The following SLC39A12 variants were observed in gnomAD, a reference collection of about 807,000 sequenced individuals.
SLC39A12 encodes solute carrier family 39 member 12, also known as zinc transporter ZIP12.
A neutral mutation model predicts 71.1 loss-of-function variants in SLC39A12; 63 were observed. That is an observed-to-expected ratio of 0.89 (90% CI 0.72 to 1.09). SLC39A12 has a LOEUF of 1.09. Among genes scored for constraint, SLC39A12 ranks in the 50% least tolerant of loss-of-function variants. SLC39A12 has a pLI of 0.00. For synonymous variants in SLC39A12, 351 were observed against 301.3 expected (o/e 1.16, Z -1.71); for missense variants, 892 against 812.6 (o/e 1.10, Z -1.19).
At chr10:17,958,104 A>C (rs1405596429) in intron 2 of SLC39A12, among the ~76,000 whole-genome samples, 1 of 152,216 alleles carries the variant, frequency 6.6e-6, no homozygotes, top group African/African-American at 2.4e-5. Context: ...ACACGATTAT[A>C]GTGCGGACCC....
intron 12 of SLC39A12, among the ~76,000 whole-genome samples, chr10:18,027,390 G>A (rs554435576): frequency 4.6e-5 from 7 of 152,358 alleles, no homozygotes; most frequent in African/African-American, 1.7e-4. Context: ...ATCTTGTTAA[G>A]AGCAGAATGC....
At chr10:17,956,329 A>G (rs1338589048) in intron 2 of SLC39A12, among the ~76,000 whole-genome samples, 1 of 152,144 alleles carries the variant, frequency 6.6e-6, no homozygotes, top group Non-Finnish European at 1.5e-5. Context: ...GATCCCATGG[A>G]CATACATGTT....
chr10:17,983,524 C>G (rs1283406138), intron 6 of SLC39A12, among the ~76,000 whole-genome samples: 1 of 152,060 alleles, frequency 6.6e-6, no homozygotes, highest in Non-Finnish European at 1.5e-5. Context: ...TGGCTTATGC[C>G]TGTAATCCCA....
rs777966895 is a variant in SLC39A12, at chr10:17,995,665, G to A, written c.1543G>A (p.Glu515Lys). ...TTTTAATTTAAAATAGAAAAGCCCA[G>A]AAGATTCACAGGCAGCTGAAATGCC... ...SASTIQLKSP[E>K]DSQAAEMPIG... The change falls in exon 10 of 13, where the codon GAA becomes AAA. Residue 515 changes from glutamate to lysine, a missense_variant. Coordinates refer to ENST00000377369, the MANE Select transcript of SLC39A12 (RefSeq NM_001145195.2). 1 of 1,613,038 alleles carries A rather than the reference G, an allele frequency of 6.2e-7. No homozygotes were observed. Among genetic ancestry groups the A allele is most frequent in the South Asian group, 1.1e-5 (1 of 90,784 alleles).
At chr10:17,983,243 T>A (rs1040880024) in intron 6 of SLC39A12, among the ~76,000 whole-genome samples, 1 of 146,822 alleles carries the variant, frequency 6.8e-6, no homozygotes, top group Non-Finnish European at 1.5e-5. Context: ...GTAGTCCTAG[T>A]ACTTTGGGAG....
At chr10:17,987,763 G>T in intron 7 of SLC39A12, 112 bp downstream of exon 7, 1 of 1,123,060 alleles carries the variant, frequency 8.9e-7, no homozygotes, top group Middle Eastern at 2.1e-4. Flanking sequence ...GAGTATCGTG[G>T]CTGGTGTTTT....
chr10:18,029,774 G>C (rs960268218), intron 12 of SLC39A12, among the ~76,000 whole-genome samples: 3 of 151,084 alleles, frequency 2.0e-5, no homozygotes, highest in Non-Finnish European at 4.4e-5. Flanking sequence ...GGAAATGGTG[G>C]CATTTAAACT....
intron 12 of SLC39A12, among the ~76,000 whole-genome samples, chr10:18,024,855 A>G (rs901338156): frequency 6.6e-6 from 1 of 152,190 alleles, no homozygotes; most frequent in African/African-American, 2.4e-5. Context: ...TCATTATGTA[A>G]TACACCATGT....
At chr10:17,952,778 C>T (rs550652438) in intron 1 of SLC39A12, among the ~76,000 whole-genome samples, 1 of 152,288 alleles carries the variant, frequency 6.6e-6, no homozygotes, top group South Asian at 2.1e-4. Flanking sequence ...TGAGCTACCG[C>T]GCCTGGCCTA....
intron 6 of SLC39A12, among the ~76,000 whole-genome samples, chr10:17,987,068 A>G (rs1053860295): frequency 1.3e-5 from 2 of 152,050 alleles, no homozygotes; most frequent in Non-Finnish European, 2.9e-5. Flanking sequence ...TGGGCTTACA[A>G]CTGTAATCCC....
At chr10:18,021,129 C>G (rs1375857369) in intron 12 of SLC39A12, among the ~76,000 whole-genome samples, 1 of 151,980 alleles carries the variant, frequency 6.6e-6, no homozygotes, top group Non-Finnish European at 1.5e-5. Flanking sequence ...TTTAATCCAT[C>G]TCAAGTTGAT....
At chr10:17,977,853 C>T (rs200541390) in intron 4 of SLC39A12, 49 bp from the exon 5 acceptor site, 28 of 1,370,696 alleles carry the variant, frequency 2.0e-5, no homozygotes, top group Middle Eastern at 4.0e-4. Flanking sequence ...TGTGACTATT[C>T]GGAACTTATC....
chr10:17,989,796 T>C (rs1835496614), intron 7 of SLC39A12, among the ~76,000 whole-genome samples: 1 of 151,808 alleles, frequency 6.6e-6, no homozygotes, highest in Non-Finnish European at 1.5e-5. Context: ...TGGGCGCCTG[T>C]AACCCCAGCT....
chr10:17,963,613 C>T (rs1276524742), intron 3 of SLC39A12, among the ~76,000 whole-genome samples: 6 of 152,190 alleles, frequency 3.9e-5, no homozygotes, highest in African/African-American at 1.4e-4. Flanking sequence ...GGGAAGGGTC[C>T]ATGAGCTCAT....
intron 12 of SLC39A12, among the ~76,000 whole-genome samples, chr10:18,036,118 C>T (rs1171994249): frequency 2.0e-5 from 3 of 152,032 alleles, no homozygotes; most frequent in Non-Finnish European, 2.9e-5. Context: ...TGTGCCCTGC[C>T]CCCAGAGGTG....
chr10:18,007,927 G>A (rs1836077560), intron 12 of SLC39A12, among the ~76,000 whole-genome samples: 2 of 152,224 alleles, frequency 1.3e-5, no homozygotes, highest in African/African-American at 4.8e-5. Context: ...ATGCAGCCCA[G>A]TAGGCCTCAG....
At chr10:17,964,090 T>C (rs1429758020) in intron 3 of SLC39A12, among the ~76,000 whole-genome samples, 1 of 152,114 alleles carries the variant, frequency 6.6e-6, no homozygotes, top group Non-Finnish European at 1.5e-5. Context: ...AGGCTGGGCG[T>C]TCCTGACCCC....
intron 7 of SLC39A12, among the ~76,000 whole-genome samples, chr10:17,990,680 C>T (rs1835520520): frequency 6.6e-6 from 1 of 152,090 alleles, no homozygotes; most frequent in African/African-American, 2.4e-5. Context: ...CGGTGGATTT[C>T]TTACTTATCT....
At chr10:18,030,047 A>T (rs1023575533) in intron 12 of SLC39A12, among the ~76,000 whole-genome samples, 3 of 150,646 alleles carry the variant, frequency 2.0e-5, no homozygotes, top group African/African-American at 7.3e-5. Context: ...TCATATGTTC[A>T]TCCATAATCA....
Sources: gnomAD v4.1 joint callset for allele counts (sites outside exome capture counted in the v4.1 genomes callset) on GRCh38, gnomAD v4.1.1 for gene constraint, MANE v1.5 for transcripts, NCBI Gene and HGNC (gene_info 2026-07-23, HGNC 2026-07-21) for gene names.